PCDHGA3: variants seen among roughly 807,000 people sequenced by gnomAD.
The protein encoded by PCDHGA3 is protocadherin gamma subfamily A, 3.
PCDHGA3 carries 40 observed loss-of-function variants against 58.5 expected under a neutral mutation model. The observed-to-expected ratio is 0.68, with a 90% confidence interval of 0.53 to 0.89. The LOEUF (loss-of-function observed/expected upper bound fraction) is 0.89, where lower values mean the gene tolerates loss of function less well. Among genes scored for constraint, PCDHGA3 ranks in the 40% least tolerant of loss-of-function variants. The probability of loss-of-function intolerance (pLI) is 0.00; values close to 1 mark genes in which losing one functional copy is unlikely to be tolerated. For synonymous variants in PCDHGA3, 530 were observed against 525.7 expected (o/e 1.01, Z -0.11); for missense variants, 1,223 against 1,195.9 (o/e 1.02, Z -0.33).
At position 141,415,266 on chromosome 5, in the gene PCDHGA3, G is replaced by C. The variant is rs371754316; in HGVS notation, c.2424+68809G>C. 49 of 1,614,100 alleles carry C rather than the reference G, an allele frequency of 3.0e-5. No individual in the cohort carries two copies. The African/African-American group carries it at 6.4e-4, about 21-fold the overall frequency. On this transcript the variant is annotated intron_variant, in intron 1 of 3. Transcript: ENST00000253812. ...AAACCTCAGACCTCACTCTGTACCT[G>C]GTGGTAGCGGTGGCCGCGGTCTCCT...
chr5:141,466,809 CA>C (rs1454424644), intron 1 of PCDHGA3, among the ~76,000 whole-genome samples: 1 of 152,102 alleles, frequency 6.6e-6, no homozygotes, highest in Non-Finnish European at 1.5e-5. Flanking sequence ...CCTATTCAGA[CA>C]TGGTATAACA....
At chr5:141,422,058 A>G (rs1015726657) in intron 1 of PCDHGA3, 3 of 1,611,890 alleles carry the variant, frequency 1.9e-6, no homozygotes, top group African/African-American at 2.7e-5. Flanking sequence ...TCAACGGGGA[A>G]GTAATGTATT....
At chr5:141,410,701 A>C in intron 1 of PCDHGA3, 2 of 1,471,660 alleles carry the variant, frequency 1.4e-6, no homozygotes, top group Non-Finnish European at 9.1e-7. Context: ...TTATTTTCAT[A>C]TCTAGAATCA....
At chr5:141,419,422 C>T (rs374564347) in intron 1 of PCDHGA3, 9 of 1,613,378 alleles carry the variant, frequency 5.6e-6, no homozygotes, top group Non-Finnish European at 7.6e-6. Flanking sequence ...GCGCCTTCGA[C>T]CACGAGCAGC....
rs759095332 is a variant in PCDHGA3, at chr5:141,432,306, C to T, written c.2425-62501C>T. 1 of 1,614,250 alleles carries T rather than the reference C, an allele frequency of 6.2e-7. No homozygotes were observed. On this transcript the variant is annotated intron_variant, in intron 1 of 3. Coordinates refer to ENST00000253812, the MANE Select transcript of PCDHGA3 (RefSeq NM_018916.4). This position sits in a 1 kb window ranked among gnomAD's most constrained non-coding sequence, Gnocchi z 6.0. ...AACTCCGACACTGGGGTACTGTATG[C>T]GCTGAGCTCCTTCGACTACGAGCAG...
At chr5:141,375,176 GT>G (rs1486897870) in intron 1 of PCDHGA3, 1 of 1,614,018 alleles carries the variant, frequency 6.2e-7, no homozygotes, top group South Asian at 1.1e-5. Flanking sequence ...TCCAGGAACA[GT>G]AATCGCCCTT....
chr5:141,344,411 T>G lies in PCDHGA3; in HGVS notation c.378T>G (p.Ile126Met), dbSNP rs773874852. The change falls in exon 1 of 4, where the codon ATT becomes ATG. Residue 126 changes from isoleucine to methionine, a missense_variant. Ile to Met is a conservative substitution (Grantham distance 10, BLOSUM62 1). Transcript: ENST00000253812. ...AAGTAGAAATAGAAATTAAAGATAT[T>G]AATGATAATGCTCCTAATTTCCCAA... ...IFEVEIEIKD[I>M]NDNAPNFPTE... 1 of 1,612,074 alleles carries G rather than the reference T, an allele frequency of 6.2e-7. No individual in the cohort carries two copies. Among genetic ancestry groups the G allele is most frequent in the Non-Finnish European group, 8.5e-7 (1 of 1,178,884 alleles).
chr5:141,388,712 G>A, intron 1 of PCDHGA3: 1 of 1,613,986 alleles, frequency 6.2e-7, no homozygotes. Flanking sequence ...TCAATGCCGA[G>A]ATTACTTTCT....
chr5:141,490,065 C>A lies in PCDHGA3; in HGVS notation c.2425-4742C>A, dbSNP rs1161257597. ...CTGATCCAGACGAGGGCACCAACGG[C>A]CAACTAGACTATTCTTTTGGAGACC... On this transcript the variant is annotated intron_variant, in intron 1 of 3. Coordinates refer to ENST00000253812, the MANE Select transcript of PCDHGA3 (RefSeq NM_018916.4). This position sits in a 1 kb window ranked among gnomAD's most constrained non-coding sequence, Gnocchi z 5.4. 1 of 1,614,258 alleles carries A rather than the reference C, an allele frequency of 6.2e-7. No individual in the cohort carries two copies. Among genetic ancestry groups the A allele is most frequent in the South Asian group, 1.1e-5 (1 of 91,090 alleles).
chr5:141,421,567 A>G (rs1202908091), intron 1 of PCDHGA3: 27 of 1,613,972 alleles, frequency 1.7e-5, no homozygotes, highest in Non-Finnish European at 2.2e-5. Context: ...CGTGGAAGAC[A>G]CCTTGAAGAT....
Position 141,487,266 on chromosome 5 carries a change from T to A in PCDHGA3, c.2425-7541T>A. The stretch of plus-strand genomic sequence containing the variant: ...ACCCTCTACTTGGCTGTGTCCCTAG[T>A]GGCAATTTGCTTTGTCTCCTTTGGC... On this transcript the variant is annotated intron_variant, in intron 1 of 3. Transcript: ENST00000253812. This position sits in a 1 kb window ranked among gnomAD's most constrained non-coding sequence, Gnocchi z 5.0. The A allele has an allele frequency of 1.2e-6, 2 of 1,614,172 alleles. No homozygotes were observed. Among genetic ancestry groups the A allele is most frequent in the Non-Finnish European group, 8.5e-7 (1 of 1,180,036 alleles).
chr5:141,383,220 CATCCTGATGGAAGATAAAATGA>C (rs1561595268), intron 1 of PCDHGA3: 5 of 1,613,982 alleles, frequency 3.1e-6, no homozygotes, highest in Non-Finnish European at 4.2e-6. Flanking sequence ...TAAACTTTAA[CATCCTGATGGAAGATAAAATGA>C]ATCTTTACCC....
At chr5:141,441,878 TG>T in intron 1 of PCDHGA3, 1 of 343,708 alleles carries the variant, frequency 2.9e-6, no homozygotes, top group Non-Finnish European at 5.6e-6. Context: ...CCTGGCTACC[TG>T]GTCACCAAGG....
intron 1 of PCDHGA3, among the ~76,000 whole-genome samples, chr5:141,426,040 G>C (rs1032424646): frequency 2.0e-5 from 3 of 152,212 alleles, no homozygotes; most frequent in African/African-American, 7.2e-5. Flanking sequence ...GAGCCCTGCT[G>C]TTGGCCAATG....
intron 1 of PCDHGA3, chr5:141,355,159 G>C (rs752051365): frequency 5.8e-6 from 9 of 1,558,856 alleles, no homozygotes; most frequent in Non-Finnish European, 7.8e-6. Context: ...GGCCTCGACA[G>C]AGGGAAAACC....
chr5:141,402,704 T>C (rs1237933133), intron 1 of PCDHGA3, among the ~76,000 whole-genome samples: 1 of 152,216 alleles, frequency 6.6e-6, no homozygotes, highest in East Asian at 1.9e-4. Flanking sequence ...TCAGTGGGTG[T>C]AGTAACGGCT....
intron 1 of PCDHGA3, chr5:141,361,473 C>G (rs374176708): frequency 1.2e-6 from 2 of 1,614,024 alleles, no homozygotes; most frequent in Non-Finnish European, 1.7e-6. Context: ...CCGACGTCAA[C>G]GATAATGCCC....
chr5:141,415,740 GTTTTTTTTTTTTTT>G (rs57426385), intron 1 of PCDHGA3: 52 of 625,016 alleles, frequency 8.3e-5, no homozygotes, highest in East Asian at 4.1e-4. Context: ...GTTTATTAAG[GTTTTTTTTTTTTTT>G]TTTTTTTTTT....
intron 1 of PCDHGA3, chr5:141,415,040 CG>C (rs878992043): frequency 6.2e-7 from 1 of 1,613,520 alleles, no homozygotes; most frequent in East Asian, 2.2e-5. Flanking sequence ...GGACTCTTCG[CG>C]GTGGGGGAGC....
Sources: allele counts gnomAD v4.1 joint callset (sites outside exome capture counted in the v4.1 genomes callset), GRCh38; gene constraint gnomAD v4.1.1; non-coding constraint Gnocchi (gnomAD v3.1); transcripts MANE v1.5; gene names NCBI Gene and HGNC (gene_info 2026-07-23, HGNC 2026-07-21).